Variants in NCKAP5 observed in about 807,000 individuals in gnomAD.
The protein encoded by NCKAP5 is NCK associated protein 5.
In NCKAP5, 92 loss-of-function variants were observed where a neutral mutation model predicts 167.0. The observed-to-expected ratio is 0.55, with a 90% CI of 0.47 to 0.66. The LOEUF is 0.66. NCKAP5 is among the 30% of genes least tolerant of loss of function. The pLI, the probability that NCKAP5 is intolerant of heterozygous loss-of-function variation, is 0.00. For synonymous variants in NCKAP5, 891 were observed against 877.4 expected, an observed-to-expected ratio of 1.02 and a Z score of -0.27; for missense variants, 2,378 against 2,315.0, an observed-to-expected ratio of 1.03 and a Z score of -0.56.
the NCKAP5 span, among the ~76,000 whole-genome samples, chr2:133,673,541 C>T: frequency 2.6e-5 from 4 of 152,226 alleles, no homozygotes; most frequent in Non-Finnish European, 5.9e-5. Flanking sequence ...CCCAGCAGGT[C>T]TCTCACACAG....
intron 2 of NCKAP5, among the ~76,000 whole-genome samples, chr2:133,536,387 T>C (rs1025822413): frequency 3.9e-5 from 6 of 151,974 alleles, no homozygotes; most frequent in Admixed American, 3.9e-4. Flanking sequence ...CACTTATATA[T>C]TAGGGTGTCA....
chr2:133,234,098 T>C (rs1201112299), intron 4 of NCKAP5, among the ~76,000 whole-genome samples: 1 of 152,160 alleles, frequency 6.6e-6, no homozygotes, highest in Admixed American at 6.5e-5. Flanking sequence ...GAGGATCGCA[T>C]GAGAGCTTAA....
chr2:133,574,399 G>C, the NCKAP5 span, among the ~76,000 whole-genome samples: 1 of 152,146 alleles, frequency 6.6e-6, no homozygotes, highest in Non-Finnish European at 1.5e-5. Flanking sequence ...GTGGCCCCAG[G>C]GAACAGACTC....
intron 11 of NCKAP5, among the ~76,000 whole-genome samples, chr2:132,804,589 T>A (rs951399791): frequency 6.6e-6 from 1 of 152,090 alleles, no homozygotes; most frequent in Non-Finnish European, 1.5e-5. Context: ...ACTTGACCTA[T>A]TTTTACCAGA....
intron 3 of NCKAP5, among the ~76,000 whole-genome samples, chr2:133,515,216 A>T (rs1683880353): frequency 1.3e-5 from 2 of 152,226 alleles, no homozygotes; most frequent in Admixed American, 1.3e-4. Flanking sequence ...TTCCCAAAGA[A>T]TCAACTCAAA....
At chr2:133,182,432 T>C (rs2084778660) in intron 5 of NCKAP5, among the ~76,000 whole-genome samples, 1 of 152,214 alleles carries the variant, frequency 6.6e-6, no homozygotes, top group Admixed American at 6.5e-5. Context: ...ACGGACTGTG[T>C]TCTCCAACCA....
rs79260755 is a variant in NCKAP5, at chr2:132,979,699, G to A, written c.429+14453C>T. Among the ~76,000 whole-genome samples, 778 of 152,290 alleles carry A rather than the reference G, an allele frequency of 5.1e-3. 10 individuals carry two copies. The highest frequency in any genetic ancestry group is 0.017 in the African/African-American group (723 of 41,568). On this transcript the variant is annotated intron_variant, in intron 7 of 19. Coordinates refer to ENST00000409261, the MANE Select transcript of NCKAP5 (RefSeq NM_207363.3). ...GTCCTCTGCTTTCTTGCATCACAGT[G>A]CCCATAACCCTCTGCTGTCTCTCAT...
chr2:133,612,745 T>C, the NCKAP5 span, among the ~76,000 whole-genome samples: 3 of 152,206 alleles, frequency 2.0e-5, no homozygotes, highest in African/African-American at 7.2e-5. Context: ...CATTATATAG[T>C]GTGGCACTGA....
chr2:132,971,607 G>A (rs544045246), intron 7 of NCKAP5, among the ~76,000 whole-genome samples: 44 of 152,306 alleles, frequency 2.9e-4, no homozygotes, highest in African/African-American at 9.9e-4. Context: ...TGCTGCAATA[G>A]GCTATGCGGG....
chr2:133,337,031 G>T (rs904209327), intron 3 of NCKAP5, among the ~76,000 whole-genome samples: 5 of 152,144 alleles, frequency 3.3e-5, no homozygotes, highest in Admixed American at 6.5e-5. Context: ...TCCTTTAGGG[G>T]CTTGGTCATA....
chr2:133,390,823 A>ATAAAGGATC (rs1197237638), intron 3 of NCKAP5, among the ~76,000 whole-genome samples: 1 of 152,232 alleles, frequency 6.6e-6, no homozygotes, highest in African/African-American at 2.4e-5. Context: ...CGGATAATTT[A>ATAAAGGATC]TAAAGGATCT....
At chr2:132,812,580 A>G (rs72847242) in intron 11 of NCKAP5, among the ~76,000 whole-genome samples, 27,872 of 152,130 alleles carry the variant, frequency 0.18, 2,827 homozygotes, top group East Asian at 0.31. Context: ...GGCACCTGCA[A>G]CATAGTATGC....
At chr2:132,968,179 T>A (rs558741676) in intron 7 of NCKAP5, among the ~76,000 whole-genome samples, 13 of 152,288 alleles carry the variant, frequency 8.5e-5, no homozygotes, top group Admixed American at 2.6e-4. Flanking sequence ...TTATTCTAAG[T>A]GCACTAAAGA....
intron 2 of NCKAP5, among the ~76,000 whole-genome samples, chr2:133,540,963 A>C (rs2104885258): frequency 6.6e-6 from 1 of 151,168 alleles, no homozygotes; most frequent in African/African-American, 2.4e-5. Flanking sequence ...AAAGAAAAAA[A>C]ATCACAGTGG....
intron 5 of NCKAP5, among the ~76,000 whole-genome samples, chr2:133,165,612 C>A (rs974103737): frequency 6.6e-6 from 1 of 152,052 alleles, no homozygotes; most frequent in African/African-American, 2.4e-5. Context: ...GGTGATAGAA[C>A]AAGCAGGGTG....
chr2:133,484,180 A>C (rs1680703741), intron 3 of NCKAP5, among the ~76,000 whole-genome samples: 2 of 152,204 alleles, frequency 1.3e-5, no homozygotes, highest in Admixed American at 6.5e-5. Flanking sequence ...TGCACCTCTA[A>C]GAGCATGAAG....
intron 19 of NCKAP5, among the ~76,000 whole-genome samples, chr2:132,705,519 C>T (rs1449248569): frequency 6.6e-6 from 1 of 152,140 alleles, no homozygotes; most frequent in Admixed American, 6.5e-5. Context: ...TATATTTGAT[C>T]TCTTCTTTCC....
intron 7 of NCKAP5, among the ~76,000 whole-genome samples, chr2:132,968,695 T>A (rs2076738898): frequency 6.6e-6 from 1 of 152,202 alleles, no homozygotes; most frequent in African/African-American, 2.4e-5. Flanking sequence ...GAGAGCTGTT[T>A]GACTAAAGTG....
intron 11 of NCKAP5, among the ~76,000 whole-genome samples, chr2:132,815,036 A>G (rs1686157114): frequency 1.3e-5 from 2 of 152,336 alleles, no homozygotes; most frequent in Admixed American, 1.3e-4. Context: ...CAATGCATAA[A>G]TATAAATACC....
Sources: gnomAD v4.1 joint callset for allele counts (sites outside exome capture counted in the v4.1 genomes callset) on GRCh38, gnomAD v4.1.1 for gene constraint, MANE v1.5 for transcripts, NCBI Gene and HGNC (gene_info 2026-07-23, HGNC 2026-07-21) for gene names.